Variants in RP1 observed in about 807,000 individuals in gnomAD.
RP1 encodes the protein RP1 axonemal microtubule associated.
A neutral mutation model predicts 14.8 loss-of-function variants in RP1; 16 were observed. That is an observed-to-expected ratio of 1.08 (90% CI 0.73 to 1.65). The LOEUF (loss-of-function observed/expected upper bound fraction) is 1.65. RP1 is among the 40% of genes most tolerant of loss of function. RP1 has a pLI of 0.00. For synonymous variants in RP1, 876 were observed against 883.6 expected (o/e 0.99, Z 0.15); for missense variants, 2,631 against 2,535.0 (o/e 1.04, Z -0.81).
At chr8:54,701,388 TA>T in intron 13 of RP1, 1 of 995,200 alleles carries the variant, frequency 1.0e-6, no homozygotes, top group Non-Finnish European at 1.3e-6. Context: ...AAAGTTTCCA[TA>T]AAATGAAGTA....
chr8:54,683,740 GCAAA>G (rs1203347298), intron 12 of RP1, among the ~76,000 whole-genome samples: 1 of 152,146 alleles, frequency 6.6e-6, no homozygotes, highest in Non-Finnish European at 1.5e-5. Context: ...TATGTCATCT[GCAAA>G]CAAAGATAAT....
chr8:54,823,640 T>G (rs994095412), intron 24 of RP1, among the ~76,000 whole-genome samples: 2 of 152,212 alleles, frequency 1.3e-5, no homozygotes, highest in Admixed American at 1.3e-4. Context: ...AGTTTGCTTT[T>G]TTTTATTGCT....
At chr8:54,788,349 T>C (rs114072328) in intron 24 of RP1, among the ~76,000 whole-genome samples, 1,796 of 152,336 alleles carry the variant, frequency 0.012, 34 homozygotes, top group African/African-American at 0.04. Context: ...GCCTACAAAC[T>C]ATTAGCCATT....
At chr8:54,839,166 G>C (rs2129403793) in intron 25 of RP1, among the ~76,000 whole-genome samples, 1 of 152,178 alleles carries the variant, frequency 6.6e-6, no homozygotes, top group South Asian at 2.1e-4. Flanking sequence ...ATTTTGCCTT[G>C]AACAGGTGGG....
chr8:54,708,352 G>GT lies in RP1; in HGVS notation c.2211+1697_2211+1698insT, dbSNP rs1563354164. On this transcript the variant is annotated intron_variant, in intron 15 of 22. Coordinates refer to the RP1 transcript ENST00000636932. ...ATACTCTAGCTGAATGGTGATTTCT[G>GT]GTTTTTTTTTTTTTTCTTTTTTGAG... Among the ~76,000 whole-genome samples the GT allele has an allele frequency of 7.2e-3, 890 of 124,168 alleles. 10 individuals are homozygous for GT. Among genetic ancestry groups the GT allele is most frequent in the African/African-American group, 0.028 (763 of 27,720 alleles). 81.5% of individuals were successfully genotyped at this position (124,168 alleles called of 152,430 possible). A position where few individuals can be genotyped will look rare whatever the true frequency, so the allele number is the denominator to read the frequency against.
intron 15 of RP1, among the ~76,000 whole-genome samples, chr8:54,719,163 TG>T (rs1808477582): frequency 6.6e-6 from 1 of 152,136 alleles, no homozygotes; most frequent in African/African-American, 2.4e-5. Flanking sequence ...ATGGCCCCTC[TG>T]TCTTAGTTTA....
downstream of RP1, among the ~76,000 whole-genome samples, chr8:54,632,878 G>A (rs3891358): frequency 6.6e-6 from 1 of 152,172 alleles, no homozygotes; most frequent in Non-Finnish European, 1.5e-5. Context: ...TTTTGCTTTA[G>A]AGATGAAGTA....
chr8:54,587,530 C>T (rs1029384619), intron 1 of RP1, among the ~76,000 whole-genome samples: 1 of 152,118 alleles, frequency 6.6e-6, no homozygotes, highest in South Asian at 2.1e-4. Flanking sequence ...GGTGAAAATC[C>T]TCCCTCTAAT....
At chr8:54,754,867 G>A (rs1181036010) in exon 20 of RP1, 17 of 1,527,188 alleles carry the variant, frequency 1.1e-5, no homozygotes, top group South Asian at 3.6e-5. Context: ...TGGCTGTCTC[G>A]GATTCAGGCA....
intron 3 of RP1, among the ~76,000 whole-genome samples, chr8:54,636,331 A>T (rs1483970535): frequency 6.6e-6 from 1 of 152,254 alleles, no homozygotes; most frequent in Non-Finnish European, 1.5e-5. Flanking sequence ...TGGAAGGCGC[A>T]CTGTCAACAT....
At chr8:54,731,819 CTT>C (rs1808801323) in intron 17 of RP1, among the ~76,000 whole-genome samples, 1 of 152,110 alleles carries the variant, frequency 6.6e-6, no homozygotes, top group Non-Finnish European at 1.5e-5. Context: ...ACTGTGGTCT[CTT>C]GATTTCATTT....
chr8:54,607,424 C>CAAAA (rs2129308145), intron 1 of RP1, among the ~76,000 whole-genome samples: 2 of 152,254 alleles, frequency 1.3e-5, no homozygotes, highest in African/African-American at 4.8e-5. Flanking sequence ...CAGAAGAGTA[C>CAAAA]CCAGCTGTGT....
At chr8:54,659,517 C>T (rs777982669) in intron 6 of RP1, among the ~76,000 whole-genome samples, 38 of 152,122 alleles carry the variant, frequency 2.5e-4, no homozygotes, top group Non-Finnish European at 5.1e-4. Context: ...TCTTGGCACC[C>T]TTGTCAAAAT....
chr8:54,734,326 C>T (rs946344676), intron 17 of RP1, among the ~76,000 whole-genome samples: 6 of 152,060 alleles, frequency 3.9e-5, no homozygotes, highest in African/African-American at 1.4e-4. Flanking sequence ...GTTTATTGTT[C>T]GAATCCAGTT....
At chr8:54,843,906 C>G (rs1039669167) in intron 25 of RP1, among the ~76,000 whole-genome samples, 1 of 152,174 alleles carries the variant, frequency 6.6e-6, no homozygotes, top group African/African-American at 2.4e-5. Flanking sequence ...ATGGCTAAGA[C>G]TAAGGGACTA....
intron 8 of RP1, among the ~76,000 whole-genome samples, chr8:54,677,971 TA>T: frequency 6.6e-6 from 1 of 152,188 alleles, no homozygotes; most frequent in African/African-American, 2.4e-5. Flanking sequence ...CCTTCATGTG[TA>T]CCAGGTGAGT....
In RP1 at chr8:54,792,294, C is replaced by T. The variant is rs184584494; in HGVS notation, c.3615+8584C>T. On this transcript the variant is annotated intron_variant, in intron 24 of 28. Transcript: ENST00000637698. ...ATCTTTGATATTAAACCCTCAATGA[C>T]GGATAGATCATCCAGATAGAAAACT... Among the ~76,000 whole-genome samples, 282 of 151,972 alleles carry T rather than the reference C, an allele frequency of 1.9e-3. 3 individuals are homozygous for T. The highest frequency in any genetic ancestry group is 2.3e-3 in the Non-Finnish European group (157 of 67,810).
At chr8:54,792,988 C>A (rs1032528451) in intron 24 of RP1, among the ~76,000 whole-genome samples, 5 of 151,582 alleles carry the variant, frequency 3.3e-5, no homozygotes, top group Admixed American at 6.6e-5. Flanking sequence ...ATAAAATTAT[C>A]AATGAAAAAG....
upstream of RP1, among the ~76,000 whole-genome samples, chr8:54,613,651 T>G (rs1005695770): frequency 6.6e-6 from 1 of 151,928 alleles, no homozygotes; most frequent in Non-Finnish European, 1.5e-5. Flanking sequence ...GTTGATGTAG[T>G]GGGAAGGCAG....
Sources: allele counts gnomAD v4.1 joint callset (sites outside exome capture counted in the v4.1 genomes callset), GRCh38; gene constraint gnomAD v4.1.1; transcripts MANE v1.5; gene names NCBI Gene and HGNC (gene_info 2026-07-23, HGNC 2026-07-21).